ZFPM2: variants seen among roughly 807,000 people sequenced by gnomAD.
ZFPM2 encodes zinc finger protein, FOG family member 2.
In ZFPM2, 20 loss-of-function variants were observed where a neutral mutation model predicts 98.6. The ratio of observed to expected loss-of-function variants is 0.20; its 90% CI spans 0.14 to 0.29. The LOEUF is 0.29. ZFPM2 is among the 10% of genes least tolerant of loss of function. The pLI, the probability that ZFPM2 is intolerant of heterozygous loss-of-function variation, is 1.00. For missense variants in ZFPM2, 1,310 were observed against 1,388.6 expected (o/e 0.94, Z 0.90); for synonymous variants, 518 against 502.7 (o/e 1.03, Z -0.41).
chr8:105,649,500 T>G (rs1817123480), intron 5 of ZFPM2, among the ~76,000 whole-genome samples: 1 of 152,222 alleles, frequency 6.6e-6, no homozygotes, highest in Admixed American at 6.5e-5. Context: ...CCATTCTGTA[T>G]GATATGGGCT....
intron 3 of ZFPM2, among the ~76,000 whole-genome samples, chr8:105,479,104 A>C (rs1813067094): frequency 6.6e-6 from 1 of 152,174 alleles, no homozygotes; most frequent in South Asian, 2.1e-4. Flanking sequence ...ATTTTGTATC[A>C]TGATCTTAGC....
chr8:105,764,787 A>G (rs1457946576), intron 5 of ZFPM2, among the ~76,000 whole-genome samples: 2 of 151,826 alleles, frequency 1.3e-5, no homozygotes, highest in African/African-American at 4.8e-5. Flanking sequence ...TGAAATACAC[A>G]GTAAGGTGTT....
At chr8:105,685,164 G>A (rs1427116641) in intron 5 of ZFPM2, among the ~76,000 whole-genome samples, 1 of 151,982 alleles carries the variant, frequency 6.6e-6, no homozygotes, top group African/African-American at 2.4e-5. Flanking sequence ...TTTTTTTACT[G>A]TCCAATACAG....
intron 2 of ZFPM2, among the ~76,000 whole-genome samples, chr8:105,429,556 C>T (rs1227525860): frequency 1.3e-5 from 2 of 151,654 alleles, no homozygotes; most frequent in Non-Finnish European, 2.9e-5. Flanking sequence ...AATGTGGAAA[C>T]CACTCACCAG....
chr8:105,650,852 G>T (rs535353527), intron 5 of ZFPM2, among the ~76,000 whole-genome samples: 2 of 152,098 alleles, frequency 1.3e-5, no homozygotes, highest in Admixed American at 1.3e-4. Flanking sequence ...ATGTTGATTT[G>T]CGGTGGAGAG....
chr8:105,499,653 A>C (rs2130464971), intron 3 of ZFPM2, among the ~76,000 whole-genome samples: 1 of 148,732 alleles, frequency 6.7e-6, no homozygotes, highest in South Asian at 2.2e-4. Flanking sequence ...GATACTCTAA[A>C]CAGCTTAAAA....
chr8:105,801,051 G>GA lies in ZFPM2; in HGVS notation c.973dup (p.Met325AsnfsTer10), dbSNP rs1216621486. On this transcript the variant is annotated frameshift_variant, in exon 8 of 8. Transcript: ENST00000407775. LOFTEE classifies it high-confidence loss of function. ...TTATTTTGTATGTCTCTCTAGGAGT[G>GA]AAAATGGAAGAATTCCTGCCCCCTG... The GA allele has an allele frequency of 6.2e-7, 1 of 1,611,706 alleles. No individual in the cohort carries two copies. The highest frequency in any genetic ancestry group is 8.5e-7 in the Non-Finnish European group (1 of 1,178,356).
chr8:105,454,023 A>G (rs1324810384), intron 3 of ZFPM2, among the ~76,000 whole-genome samples: 1 of 152,156 alleles, frequency 6.6e-6, no homozygotes, highest in African/African-American at 2.4e-5. Flanking sequence ...TCTTAATATT[A>G]TCTAAAACTC....
At chr8:105,524,090 A>C (rs1353044041) in intron 3 of ZFPM2, among the ~76,000 whole-genome samples, 1 of 152,178 alleles carries the variant, frequency 6.6e-6, no homozygotes, top group African/African-American at 2.4e-5. Context: ...ACATTTGTTA[A>C]GTATCAACTA....
intron 4 of ZFPM2, among the ~76,000 whole-genome samples, chr8:105,603,898 C>T (rs1307836612): frequency 6.6e-6 from 1 of 152,000 alleles, no homozygotes; most frequent in Middle Eastern, 3.2e-3. Context: ...TTACTGAATG[C>T]ACCTTCTGTT....
chr8:105,748,728 G>A (rs183890772), intron 5 of ZFPM2, among the ~76,000 whole-genome samples: 2 of 152,136 alleles, frequency 1.3e-5, no homozygotes, highest in East Asian at 1.9e-4. Context: ...CTGGTTTGAA[G>A]TACTAAACTG....
intron 5 of ZFPM2, among the ~76,000 whole-genome samples, chr8:105,770,623 G>A (rs146786113): frequency 4.9e-4 from 75 of 152,020 alleles, no homozygotes; most frequent in Middle Eastern, 6.8e-3. Flanking sequence ...ACCTTAGAGG[G>A]CACATTATTT....
At chr8:105,773,189 A>T (rs556965079) in intron 5 of ZFPM2, among the ~76,000 whole-genome samples, 1 of 152,298 alleles carries the variant, frequency 6.6e-6, no homozygotes, top group South Asian at 2.1e-4. Context: ...CTGTCATTTG[A>T]AATTGACTCT....
At chr8:105,683,364 T>C (rs916822612) in intron 5 of ZFPM2, among the ~76,000 whole-genome samples, 1 of 152,144 alleles carries the variant, frequency 6.6e-6, no homozygotes, top group Non-Finnish European at 1.5e-5. Context: ...GGAATTTGCT[T>C]TGCATTTATA....
rs548538927 is a variant in ZFPM2, at chr8:105,653,358, G to A, written c.532+19001G>A. On this transcript the variant is annotated intron_variant, in intron 5 of 7. Transcript: ENST00000407775. The stretch of plus-strand genomic sequence containing the variant: ...GTAGTTGAATTGCCACTATATGCCA[G>A]GTAGAGAATCTGTTAACTTTTTGTA... 1.4e-4 allele frequency among the ~76,000 whole-genome samples: 22 copies of A among 152,272 alleles called. 1 individual carries two copies. The highest frequency in any genetic ancestry group is 7.2e-4 in the Admixed American group (11 of 15,294).
At chr8:105,425,308 A>G (rs79266188) in intron 2 of ZFPM2, among the ~76,000 whole-genome samples, 7,386 of 152,266 alleles carry the variant, frequency 0.049, 608 homozygotes, top group African/African-American at 0.17. Flanking sequence ...GGAAAGGTTA[A>G]GCAGGAAACT....
At chr8:105,361,818 C>T in intron 1 of ZFPM2, among the ~76,000 whole-genome samples, 2 of 151,258 alleles carry the variant, frequency 1.3e-5, no homozygotes, top group African/African-American at 4.9e-5. Flanking sequence ...ATAATATTAC[C>T]ATATTTTTAC....
intron 5 of ZFPM2, among the ~76,000 whole-genome samples, chr8:105,725,857 T>G (rs949631533): frequency 1.3e-5 from 2 of 151,652 alleles, no homozygotes; most frequent in African/African-American, 4.8e-5. Flanking sequence ...TTCTTTCAGT[T>G]TTAGCTTAAT....
chr8:105,799,625 T>C (rs539486366), intron 7 of ZFPM2, among the ~76,000 whole-genome samples: 49 of 152,348 alleles, frequency 3.2e-4, no homozygotes, highest in Non-Finnish European at 5.3e-4. Flanking sequence ...GCCAGCTATT[T>C]TTAGTTTCAT....
Sources: allele counts gnomAD v4.1 joint callset (sites outside exome capture counted in the v4.1 genomes callset), GRCh38; gene constraint gnomAD v4.1.1; transcripts MANE v1.5; gene names NCBI Gene and HGNC (gene_info 2026-07-23, HGNC 2026-07-21).